GALNT13: variants seen among roughly 807,000 people sequenced by gnomAD.
GALNT13 encodes UDP-GalNAc:polypeptide N-acetylgalactosaminyltransferase 13.
In GALNT13, 28 loss-of-function variants were observed where a neutral mutation model predicts 64.2. That is an observed-to-expected ratio of 0.44 (90% CI 0.32 to 0.60). The LOEUF is 0.60. Among genes scored for constraint, GALNT13 ranks in the 20% least tolerant of loss-of-function variants. The pLI is 0.05. For synonymous variants in GALNT13, 214 were observed against 224.6 expected, an observed-to-expected ratio of 0.95 and a Z score of 0.42; for missense variants, 577 against 669.8, an observed-to-expected ratio of 0.86 and a Z score of 1.53.
At chr2:154,141,507 A>C (rs1207888552) in intron 4 of GALNT13, among the ~76,000 whole-genome samples, 2 of 152,150 alleles carry the variant, frequency 1.3e-5, no homozygotes, top group African/African-American at 2.4e-5. Context: ...AGACACAAAC[A>C]TACACATTAG....
the GALNT13 span, among the ~76,000 whole-genome samples, chr2:153,566,450 G>A: frequency 6.9e-6 from 1 of 144,320 alleles, no homozygotes; most frequent in African/African-American, 2.6e-5. Context: ...TGCCTCCCAG[G>A]TTCATGCCAT....
At chr2:153,157,080 A>C in the GALNT13 span, among the ~76,000 whole-genome samples, 2 of 152,196 alleles carry the variant, frequency 1.3e-5, no homozygotes, top group Admixed American at 6.5e-5. Context: ...GCATATGGAG[A>C]AGAAATGTCT....
At chr2:154,423,464 C>T (rs775339) in intron 11 of GALNT13, among the ~76,000 whole-genome samples, 150,951 of 152,224 alleles carry the variant, frequency 0.99, 74,857 homozygotes, top group Middle Eastern at 1. Context: ...ATTTCTAGTT[C>T]TAGATCCTTG....
chr2:154,290,126 T>TGC (rs1692514335), intron 8 of GALNT13, among the ~76,000 whole-genome samples: 1 of 152,174 alleles, frequency 6.6e-6, no homozygotes, highest in Non-Finnish European at 1.5e-5. Context: ...TATCTAGATT[T>TGC]ACTGCCGGGG....
intron 2 of GALNT13, among the ~76,000 whole-genome samples, chr2:153,915,084 A>C (rs1689238885): frequency 6.6e-6 from 1 of 152,020 alleles, no homozygotes; most frequent in Non-Finnish European, 1.5e-5. Context: ...CTCTTCCCCC[A>C]GTGTTAGCAG....
In GALNT13 at chr2:154,450,701, G is replaced by A. The variant is rs1385071488; in HGVS notation, c.*150G>A. On this transcript the variant is annotated 3_prime_UTR_variant, in exon 13 of 13. Transcript: ENST00000392825. ...TTGTTTCTAATTCGTTTCTAGAAAT[G>A]TTTGCTTATTTCCCTACTAAAATTT... is the stretch of plus-strand genomic sequence containing the variant. The A allele has an allele frequency of 2.8e-6, 2 of 712,216 alleles. No homozygotes were observed. The highest frequency in any genetic ancestry group is 4.3e-6 in the Non-Finnish European group (2 of 461,050). 44.1% of individuals were successfully genotyped at this position (712,216 alleles called of 1,614,324 possible). A position where few individuals can be genotyped will look rare whatever the true frequency, so the allele number is the denominator to read the frequency against.
At chr2:153,720,565 A>C in the GALNT13 span, among the ~76,000 whole-genome samples, 3 of 149,660 alleles carry the variant, frequency 2.0e-5, no homozygotes, top group African/African-American at 7.3e-5. Flanking sequence ...AACTTTGAAA[A>C]AAATTTAGAA....
At chr2:153,542,538 A>G in the GALNT13 span, among the ~76,000 whole-genome samples, 1 of 152,182 alleles carries the variant, frequency 6.6e-6, no homozygotes, top group African/African-American at 2.4e-5. Flanking sequence ...CATCAGGGGT[A>G]AGGAATATTT....
chr2:153,324,235 T>A, the GALNT13 span, among the ~76,000 whole-genome samples: 1 of 152,148 alleles, frequency 6.6e-6, no homozygotes, highest in African/African-American at 2.4e-5. Flanking sequence ...TATTCCTAGG[T>A]ATTTTATTAT....
chr2:153,873,171 T>A (rs1381575446), intron 1 of GALNT13, among the ~76,000 whole-genome samples: 1 of 152,128 alleles, frequency 6.6e-6, no homozygotes, highest in Non-Finnish European at 1.5e-5. Context: ...GCGCATCTAA[T>A]GGGTATCTCC....
At chr2:154,208,619 C>CGT (rs1687594697) in intron 4 of GALNT13, among the ~76,000 whole-genome samples, 2 of 112,784 alleles carry the variant, frequency 1.8e-5, no homozygotes, top group Admixed American at 1.0e-4. Flanking sequence ...TCACGTTTTG[C>CGT]GTGTCTGTGT....
chr2:153,834,783 A>G, the GALNT13 span, among the ~76,000 whole-genome samples: 2 of 152,218 alleles, frequency 1.3e-5, no homozygotes. Flanking sequence ...CTTATATAAC[A>G]TGTATAATGG....
chr2:154,009,110 G>A (rs1412022536), intron 3 of GALNT13, among the ~76,000 whole-genome samples: 2 of 151,692 alleles, frequency 1.3e-5, no homozygotes, highest in Non-Finnish European at 2.9e-5. Context: ...TCTTCTGCCT[G>A]TGGCTAGCCA....
chr2:154,178,805 C>A (rs1685799935), intron 4 of GALNT13, among the ~76,000 whole-genome samples: 2 of 152,150 alleles, frequency 1.3e-5, no homozygotes, highest in Non-Finnish European at 2.9e-5. Context: ...CATGAGTCTG[C>A]CAGAATTGTC....
At chr2:153,941,500 C>G (rs2105378240) in intron 2 of GALNT13, among the ~76,000 whole-genome samples, 1 of 152,216 alleles carries the variant, frequency 6.6e-6, no homozygotes, top group East Asian at 1.9e-4. Flanking sequence ...TATTGAAGAA[C>G]TTGGATTTTC....
chr2:153,500,113 T>C, the GALNT13 span, among the ~76,000 whole-genome samples: 1 of 152,132 alleles, frequency 6.6e-6, no homozygotes, highest in Non-Finnish European at 1.5e-5. Context: ...TAACTGTCAT[T>C]AAGATAGGGA....
At chr2:153,957,998 A>T (rs991119057) in intron 3 of GALNT13, among the ~76,000 whole-genome samples, 1 of 152,192 alleles carries the variant, frequency 6.6e-6, no homozygotes, top group African/African-American at 2.4e-5. Flanking sequence ...AGACATAGAA[A>T]ATGGCACATG....
At chr2:153,684,545 G>A in the GALNT13 span, among the ~76,000 whole-genome samples, 1 of 151,700 alleles carries the variant, frequency 6.6e-6, no homozygotes, top group Non-Finnish European at 1.5e-5. Context: ...AATACCAGTA[G>A]AATACACATT....
intron 4 of GALNT13, among the ~76,000 whole-genome samples, chr2:154,148,324 A>G (rs1441338444): frequency 3.9e-5 from 6 of 151,978 alleles, no homozygotes; most frequent in Admixed American, 2.0e-4. Context: ...CCAGTCTATC[A>G]TTGTTGGACA....
Sources: allele counts gnomAD v4.1 joint callset (sites outside exome capture counted in the v4.1 genomes callset), GRCh38; gene constraint gnomAD v4.1.1; transcripts MANE v1.5; gene names NCBI Gene and HGNC (gene_info 2026-07-23, HGNC 2026-07-21).